The following SMG6 variants were observed in gnomAD, a reference collection of about 807,000 sequenced individuals.
SMG6 encodes the protein SMG6 nonsense mediated mRNA decay factor.
SMG6 carries 66 observed loss-of-function variants against 142.2 expected under a neutral mutation model. The observed-to-expected ratio is 0.46, with a 90% CI of 0.38 to 0.57. The LOEUF (loss-of-function observed/expected upper bound fraction) is 0.57. SMG6 is among the 20% of genes least tolerant of loss of function. SMG6 has a pLI of 0.00. For synonymous variants in SMG6, 779 were observed against 702.4 expected (o/e 1.11, Z -1.72); for missense variants, 1,793 against 1,832.0 (o/e 0.98, Z 0.39).
chr17:2,198,543 C>T (rs919966472), intron 10 of SMG6, among the ~76,000 whole-genome samples: 10 of 152,060 alleles, frequency 6.6e-5, no homozygotes, highest in South Asian at 2.1e-4. Context: ...GTCAGTTTCA[C>T]GATGTTGATA....
At chr17:2,242,926 C>A (rs1284254100) in intron 9 of SMG6, among the ~76,000 whole-genome samples, 1 of 152,248 alleles carries the variant, frequency 6.6e-6, no homozygotes, top group Non-Finnish European at 1.5e-5. Context: ...CAGTGCTTAG[C>A]AATCCATCCG....
chr17:2,285,124 C>A lies in SMG6; in HGVS notation c.2338-1389G>T, dbSNP rs567804170. Among the ~76,000 whole-genome samples, 16 of 152,254 alleles carry A rather than the reference C, an allele frequency of 1.1e-4. No homozygotes were observed. The South Asian group carries it at 3.3e-3, about 32-fold the overall frequency. The stretch of plus-strand genomic sequence containing the variant: ...TATCAAGTCTAATTTGCATCACTGT[C>A]TATACAGCTCACTTGTTTTCTCAAC... On this transcript the variant is annotated intron_variant, in intron 6 of 18. Transcript: ENST00000263073.
intron 13 of SMG6, among the ~76,000 whole-genome samples, chr17:2,142,298 T>G (rs2070506089): frequency 6.6e-6 from 1 of 152,188 alleles, no homozygotes; most frequent in South Asian, 2.1e-4. Flanking sequence ...GGAGAAAATA[T>G]TTGTAAATCA....
At chr17:2,073,135 G>A (rs1385877207) in intron 15 of SMG6, among the ~76,000 whole-genome samples, 2 of 152,084 alleles carry the variant, frequency 1.3e-5, no homozygotes, top group African/African-American at 4.8e-5. Context: ...CTATGCTGGA[G>A]TGTAGTGGCG....
chr17:2,186,615 G>A lies in SMG6; in HGVS notation c.3155+48C>T, dbSNP rs144764006. 235 of 1,602,076 alleles carry A rather than the reference G, an allele frequency of 1.5e-4. 2 individuals are homozygous for A. The African/African-American group carries it at 2.0e-3, about 14-fold the overall frequency. On this transcript the variant is annotated intron_variant, in intron 12 of 18. Transcript: ENST00000263073. The stretch of plus-strand genomic sequence containing the variant: ...ATGAAGAGGGGAGCTGTAGGAACAC[G>A]GGCAGGCCCAAGCCAGTGGTGCTGA...
intron 15 of SMG6, among the ~76,000 whole-genome samples, chr17:2,072,438 T>G (rs939095783): frequency 6.6e-6 from 1 of 152,168 alleles, no homozygotes; most frequent in Non-Finnish European, 1.5e-5. Context: ...AGGTGCTAAG[T>G]AACTAACTTT....
chr17:2,296,822 C>G (rs2075151812), intron 4 of SMG6, among the ~76,000 whole-genome samples: 1 of 151,998 alleles, frequency 6.6e-6, no homozygotes, highest in African/African-American at 2.4e-5. Flanking sequence ...GATGAAACCC[C>G]CGTCTCTACA....
At chr17:2,066,365 T>C (rs1166155532) in intron 16 of SMG6, among the ~76,000 whole-genome samples, 3 of 113,948 alleles carry the variant, frequency 2.6e-5, no homozygotes, top group Non-Finnish European at 5.3e-5. Flanking sequence ...CATGTGTGTA[T>C]ATGTCTCTGT....
intron 13 of SMG6, among the ~76,000 whole-genome samples, chr17:2,121,742 G>A (rs975161565): frequency 2.0e-5 from 3 of 151,874 alleles, no homozygotes; most frequent in Admixed American, 6.6e-5. Flanking sequence ...CAGCTCTCCC[G>A]AGTAGCTGGG....
At chr17:2,261,186 C>G (rs1438619125) in intron 8 of SMG6, among the ~76,000 whole-genome samples, 1 of 144,992 alleles carries the variant, frequency 6.9e-6, no homozygotes, top group Admixed American at 6.9e-5. Context: ...TGGTGGCGAG[C>G]ACCTGTAGTC....
chr17:2,192,688 G>A (rs1389119515), intron 10 of SMG6, among the ~76,000 whole-genome samples: 2 of 152,178 alleles, frequency 1.3e-5, no homozygotes, highest in Non-Finnish European at 2.9e-5. Context: ...TCATGAGTCA[G>A]TTACCAGTCA....
intron 12 of SMG6, among the ~76,000 whole-genome samples, chr17:2,177,507 A>G (rs1164427559): frequency 6.6e-6 from 1 of 152,212 alleles, no homozygotes; most frequent in African/African-American, 2.4e-5. Flanking sequence ...TACTGGGGGA[A>G]CAAGCTGACT....
Position 2,068,657 on chromosome 17 carries a change from CA to C in SMG6, c.3835+120del, listed in dbSNP as rs1182756296. ...GCCCCACGCGTTCCCTACTCCCCTG[CA>C]AATCCCATCTTACACACGCACAGCA... is the stretch of plus-strand genomic sequence containing the variant. On this transcript the variant is annotated intron_variant, in intron 16 of 18. Coordinates refer to ENST00000263073, the MANE Select transcript of SMG6 (RefSeq NM_017575.5). This position sits in a 1 kb window ranked among gnomAD's most constrained non-coding sequence, Gnocchi z 6.7. 1 of 1,042,572 alleles carries C rather than the reference CA, an allele frequency of 9.6e-7. No individual in the cohort carries two copies. Among genetic ancestry groups the C allele is most frequent in the East Asian group, 2.6e-5 (1 of 38,856 alleles). The allele number at this position is 1,042,572 out of a possible 1,614,324, so 64.6% of individuals were successfully genotyped here.
chr17:2,153,307 G>A (rs112736041), intron 13 of SMG6, among the ~76,000 whole-genome samples: 16 of 152,248 alleles, frequency 1.1e-4, no homozygotes, highest in African/African-American at 2.9e-4. Context: ...TTATTTATAC[G>A]TCATTCTGGA....
intron 13 of SMG6, among the ~76,000 whole-genome samples, chr17:2,157,579 G>T (rs1462479063): frequency 2.0e-5 from 3 of 152,186 alleles, no homozygotes; most frequent in Non-Finnish European, 4.4e-5. Context: ...GACTGAGCAG[G>T]CCAAAGGGAA....
At chr17:2,151,197 A>AG (rs1169756428) in intron 13 of SMG6, among the ~76,000 whole-genome samples, 2 of 152,222 alleles carry the variant, frequency 1.3e-5, no homozygotes, top group African/African-American at 4.8e-5. Context: ...TAGCACCACT[A>AG]GCAGGGTTTT....
intron 13 of SMG6, among the ~76,000 whole-genome samples, chr17:2,120,105 G>A (rs1482116044): frequency 6.6e-6 from 1 of 152,212 alleles, no homozygotes; most frequent in African/African-American, 2.4e-5. Flanking sequence ...ACCGCGCCCG[G>A]CCTCCATACA....
intron 13 of SMG6, among the ~76,000 whole-genome samples, chr17:2,163,150 A>G (rs189387651): frequency 6.6e-6 from 1 of 151,870 alleles, no homozygotes; most frequent in Non-Finnish European, 1.5e-5. Context: ...TAATTTGTAA[A>G]GTATTTCTAA....
chr17:2,280,570 G>T, intron 8 of SMG6: 3 of 984,642 alleles, frequency 3.0e-6, no homozygotes, highest in Non-Finnish European at 3.6e-6. Flanking sequence ...GCCAGAAACT[G>T]CAGATTTCTT....
Sources: gnomAD v4.1 joint callset for allele counts (sites outside exome capture counted in the v4.1 genomes callset) on GRCh38, gnomAD v4.1.1 for gene constraint, Gnocchi (gnomAD v3.1) non-coding constraint, MANE v1.5 for transcripts, NCBI Gene and HGNC (gene_info 2026-07-23, HGNC 2026-07-21) for gene names.